The following UBE2G1 variants were observed in gnomAD, a reference collection of about 807,000 sequenced individuals.
UBE2G1 encodes ubiquitin conjugating enzyme E2 G1, also known as ubiquitin-conjugating enzyme E2 G1.
UBE2G1 carries 5 observed loss-of-function variants against 22.7 expected under a neutral mutation model. The observed-to-expected ratio is 0.22, with a 90% CI of 0.12 to 0.46. UBE2G1 has a LOEUF of 0.46. UBE2G1 is among the 20% of genes least tolerant of loss of function. The pLI is 0.99. For missense variants in UBE2G1, 88 were observed against 203.9 expected (o/e 0.43, Z 3.46); for synonymous variants, 74 against 67.5 (o/e 1.10, Z -0.47).
At chr17:4,357,504 TG>T (rs1969920033) in intron 1 of UBE2G1, among the ~76,000 whole-genome samples, 2 of 9,728 alleles carry the variant, frequency 2.1e-4, no homozygotes, top group African/African-American at 3.6e-4. Context: ...TGTGTGTGTG[TG>T]TGTGGGGGGG....
intron 1 of UBE2G1, among the ~76,000 whole-genome samples, chr17:4,322,303 G>T (rs537158781): frequency 1.3e-3 from 194 of 152,240 alleles, no homozygotes; most frequent in African/African-American, 4.5e-3. Context: ...TCTTCCAAAG[G>T]GGAACAACAG....
chr17:4,315,921 C>T (rs979613047), intron 1 of UBE2G1, among the ~76,000 whole-genome samples: 1 of 149,090 alleles, frequency 6.7e-6, no homozygotes, highest in African/African-American at 2.5e-5. Context: ...ATTCTCCTGC[C>T]TCAGCCTCTC....
chr17:4,344,322 C>T (rs533763174), intron 1 of UBE2G1, among the ~76,000 whole-genome samples: 9 of 152,072 alleles, frequency 5.9e-5, no homozygotes, highest in Non-Finnish European at 1.2e-4. Context: ...AGGCGGATCA[C>T]GAGGTCAGGA....
At chr17:4,327,458 C>T (rs557074715) in intron 1 of UBE2G1, among the ~76,000 whole-genome samples, 1 of 151,860 alleles carries the variant, frequency 6.6e-6, no homozygotes, top group Non-Finnish European at 1.5e-5. Flanking sequence ...GGCAACAGAG[C>T]GAGACTGTCA....
chr17:4,320,971 T>A (rs8069612), intron 1 of UBE2G1, among the ~76,000 whole-genome samples: 1 of 152,068 alleles, frequency 6.6e-6, no homozygotes, highest in Non-Finnish European at 1.5e-5. Context: ...AAAGTCTTTT[T>A]AAAAATAAAT....
intron 3 of UBE2G1, among the ~76,000 whole-genome samples, chr17:4,295,112 G>C (rs559633606): frequency 6.6e-6 from 1 of 152,082 alleles, no homozygotes; most frequent in African/African-American, 2.4e-5. Flanking sequence ...TTACATCTTC[G>C]AAATAGGTGC....
intron 1 of UBE2G1, among the ~76,000 whole-genome samples, chr17:4,334,789 T>C (rs952941790): frequency 6.6e-6 from 1 of 152,166 alleles, no homozygotes; most frequent in African/African-American, 2.4e-5. Flanking sequence ...TCCACCCGCC[T>C]CAGCATCCCA....
intron 1 of UBE2G1, chr17:4,364,041 G>C (rs926076378): frequency 1.3e-5 from 2 of 149,988 alleles, no homozygotes; most frequent in Non-Finnish European, 3.0e-5. Context: ...CAGGCAGGCG[G>C]ATCACCAGGT....
intron 2 of UBE2G1, among the ~76,000 whole-genome samples, chr17:4,301,143 G>C (rs1465233858): frequency 1.3e-5 from 2 of 152,108 alleles, no homozygotes. Context: ...TCTGCAATTT[G>C]CTCAACATTG....
intron 1 of UBE2G1, among the ~76,000 whole-genome samples, chr17:4,350,352 A>T (rs1969831389): frequency 6.6e-6 from 1 of 151,924 alleles, no homozygotes; most frequent in South Asian, 2.1e-4. Context: ...CCAGCTACTC[A>T]GGTGGCTGAG....
intron 4 of UBE2G1, among the ~76,000 whole-genome samples, chr17:4,286,039 C>A (rs1333961628): frequency 6.6e-6 from 1 of 151,618 alleles, no homozygotes; most frequent in Admixed American, 6.6e-5. Flanking sequence ...ATAGGTACTG[C>A]AGACTGAGAG....
chr17:4,289,523 C>A, intron 3 of UBE2G1, 115 bp from the exon 4 acceptor site: 1 of 1,174,068 alleles, frequency 8.5e-7, no homozygotes, highest in Non-Finnish European at 1.1e-6. Context: ...ATGACACATA[C>A]GCAGAAGTTA....
At chr17:4,276,644 C>T (rs1438566620) in intron 5 of UBE2G1, among the ~76,000 whole-genome samples, 1 of 26,872 alleles carries the variant, frequency 3.7e-5, no homozygotes, top group Admixed American at 7.3e-4. Context: ...CCCACATCTG[C>T]AACTAAGTAA....
chr17:4,310,813 GAGTATAT>G (rs1969301443), intron 1 of UBE2G1, among the ~76,000 whole-genome samples: 1 of 152,192 alleles, frequency 6.6e-6, no homozygotes, highest in Non-Finnish European at 1.5e-5. Context: ...AGTGTACCTC[GAGTATAT>G]AGTAGTCGAA....
chr17:4,297,108 A>G (rs190232173), intron 2 of UBE2G1, among the ~76,000 whole-genome samples: 2 of 152,292 alleles, frequency 1.3e-5, no homozygotes, highest in East Asian at 3.9e-4. Flanking sequence ...CCCTTCCATC[A>G]CTTCCCAGTG....
At chr17:4,321,199 G>A (rs1404838715) in intron 1 of UBE2G1, among the ~76,000 whole-genome samples, 2 of 152,150 alleles carry the variant, frequency 1.3e-5, no homozygotes, top group East Asian at 3.9e-4. Flanking sequence ...TTGTACATCT[G>A]TGGAAGTATA....
intron 1 of UBE2G1, among the ~76,000 whole-genome samples, chr17:4,342,668 C>T (rs1040239839): frequency 6.6e-6 from 1 of 152,188 alleles, no homozygotes; most frequent in African/African-American, 2.4e-5. Flanking sequence ...ACTTTGTTCT[C>T]GGCTCCAATA....
Position 4,366,509 on chromosome 17 carries a change from C to CTCATTTTGGCTTTT in UBE2G1, c.-194_-193insAAAAGCCAAAATGA. The CTCATTTTGGCTTTT allele has an allele frequency of 2.2e-6, 1 of 462,112 alleles. No homozygotes were observed. The highest frequency in any genetic ancestry group is 3.7e-6 in the Non-Finnish European group (1 of 272,866). The allele number at this position is 462,112 out of a possible 1,614,324, so 28.6% of individuals were successfully genotyped here. ...CGAGTCCGCTCGCTTCAGCTCTTTT[C>CTCATTTTGGCTTTT]ACAGCGACTCACGCCCGGAAGGGGA... On this transcript the variant is annotated 5_prime_UTR_variant, in exon 1 of 6. The change creates a new upstream start codon in the 5' untranslated region. Transcript: ENST00000396981.
chr17:4,302,580 C>T (rs1423367801), intron 2 of UBE2G1: 2 of 390,078 alleles, frequency 5.1e-6, no homozygotes, highest in Non-Finnish European at 5.1e-6. Flanking sequence ...TTCTTCATTG[C>T]CTGTGATTCT....
Sources: gnomAD v4.1 joint callset for allele counts (sites outside exome capture counted in the v4.1 genomes callset) on GRCh38, gnomAD v4.1.1 for gene constraint, MANE v1.5 for transcripts, NCBI Gene and HGNC (gene_info 2026-07-23, HGNC 2026-07-21) for gene names.